Variants in GPM6A observed in about 807,000 individuals in gnomAD.
The protein encoded by GPM6A is glycoprotein M6A.
GPM6A carries 7 observed loss-of-function variants against 32.1 expected under a neutral mutation model. The observed-to-expected ratio is 0.22, with a 90% CI of 0.12 to 0.41. GPM6A has a LOEUF of 0.41. GPM6A is among the 10% of genes least tolerant of loss of function. The pLI is 1.00. For synonymous variants in GPM6A, 130 were observed against 123.4 expected (o/e 1.05, Z -0.35); for missense variants, 235 against 347.2 (o/e 0.68, Z 2.57).
At chr4:175,779,703 T>C (rs1733539173) in intron 1 of GPM6A, among the ~76,000 whole-genome samples, 1 of 152,158 alleles carries the variant, frequency 6.6e-6, no homozygotes, top group African/African-American at 2.4e-5. Context: ...TGAAGCACAA[T>C]AAAAATTAAC....
intron 1 of GPM6A, among the ~76,000 whole-genome samples, chr4:175,994,347 T>C (rs1424305479): frequency 6.6e-6 from 1 of 152,150 alleles, no homozygotes; most frequent in Admixed American, 6.6e-5. Context: ...GGACCAGGAT[T>C]AGAAAATAAA....
chr4:175,838,090 A>AACACACACACACACACAC (rs763166079), intron 1 of GPM6A, among the ~76,000 whole-genome samples: 4 of 114,828 alleles, frequency 3.5e-5, no homozygotes, highest in African/African-American at 1.3e-4. Context: ...CCTTGGTTAA[A>AACACACACACACACACAC]ACACACACAC....
chr4:175,722,307 C>A (rs1746180499), intron 1 of GPM6A, among the ~76,000 whole-genome samples: 1 of 151,848 alleles, frequency 6.6e-6, no homozygotes, highest in African/African-American at 2.4e-5. Flanking sequence ...CTCAAACAGA[C>A]CACCGAAGAG....
intron 1 of GPM6A, among the ~76,000 whole-genome samples, chr4:175,925,974 C>A (rs981181191): frequency 6.6e-6 from 1 of 151,730 alleles, no homozygotes; most frequent in Admixed American, 6.6e-5. Flanking sequence ...GCCCCAGCCT[C>A]CCAAGCAGCT....
At chr4:175,657,173 T>A (rs17061764) in intron 3 of GPM6A, among the ~76,000 whole-genome samples, 1 of 152,190 alleles carries the variant, frequency 6.6e-6, no homozygotes, top group East Asian at 1.9e-4. Context: ...AGTAGCAATC[T>A]AATCATGTTT....
At chr4:175,946,425 T>C (rs1739608810) in intron 1 of GPM6A, among the ~76,000 whole-genome samples, 1 of 152,234 alleles carries the variant, frequency 6.6e-6, no homozygotes, top group Admixed American at 6.5e-5. Flanking sequence ...CTCTGTGTCA[T>C]GTAGCTTCCA....
chr4:175,807,409 A>G (rs1734737502), intron 1 of GPM6A: 1 of 152,208 alleles, frequency 6.6e-6, no homozygotes, highest in African/African-American at 2.4e-5. Context: ...TCCTAAAAGG[A>G]TCTGAAGATT....
chr4:175,786,293 T>C lies in GPM6A; in HGVS notation c.37+25898A>G, dbSNP rs1033027772. Reference sequence around the variant, plus strand: ...TTGAAGGTCAGGAAAGGTTTTTTGTTTTGTTTTTTTTTTTTTGAAAAATGA... The same window carrying C: ...TTGAAGGTCAGGAAAGGTTTTTTGTCTTGTTTTTTTTTTTTTGAAAAATGA... On this transcript the variant is annotated intron_variant, in intron 1 of 6. Coordinates refer to ENST00000393658, the MANE Select transcript of GPM6A (RefSeq NM_201591.3). 3.6e-5 allele frequency among the ~76,000 whole-genome samples: 5 copies of C among 137,204 alleles called. No homozygotes were observed. In the South Asian group the frequency reaches 6.6e-4, roughly 18 times the overall value. 90.0% of individuals were successfully genotyped at this position (137,204 alleles called of 152,430 possible). A position where few individuals can be genotyped will look rare whatever the true frequency, so the allele number is the denominator to read the frequency against.
intron 1 of GPM6A, among the ~76,000 whole-genome samples, chr4:175,998,386 A>C (rs1741375275): frequency 6.6e-6 from 1 of 152,252 alleles, no homozygotes; most frequent in Non-Finnish European, 1.5e-5. Flanking sequence ...ACCTGGCTTC[A>C]ACTGATCCAC....
chr4:175,758,618 T>C (rs1732622448), intron 1 of GPM6A, among the ~76,000 whole-genome samples: 2 of 152,152 alleles, frequency 1.3e-5, no homozygotes, highest in South Asian at 4.1e-4. Context: ...TTTTTATAGA[T>C]GCTAAAAGGA....
chr4:175,699,066 G>A (rs1466048915), intron 2 of GPM6A, among the ~76,000 whole-genome samples: 1 of 152,158 alleles, frequency 6.6e-6, no homozygotes. Flanking sequence ...CAATTTGGAT[G>A]TAGTTTACAT....
chr4:175,646,322 A>T (rs1372863943), intron 4 of GPM6A, among the ~76,000 whole-genome samples: 1 of 152,266 alleles, frequency 6.6e-6, no homozygotes, highest in Non-Finnish European at 1.5e-5. Flanking sequence ...TAGATATACA[A>T]AAGAATTCCT....
chr4:175,823,328 G>T (rs749965135), intron 1 of GPM6A, among the ~76,000 whole-genome samples: 1 of 152,180 alleles, frequency 6.6e-6, no homozygotes, highest in Non-Finnish European at 1.5e-5. Context: ...TAACTTATCT[G>T]AAAAGTGGAT....
At chr4:175,842,604 A>C (rs548415381) in intron 1 of GPM6A, among the ~76,000 whole-genome samples, 6 of 152,122 alleles carry the variant, frequency 3.9e-5, no homozygotes, top group Non-Finnish European at 7.4e-5. Flanking sequence ...ACCTCCAGCC[A>C]CCCTGAAGGC....
chr4:175,742,367 T>A (rs1280619849), intron 1 of GPM6A, among the ~76,000 whole-genome samples: 2 of 152,120 alleles, frequency 1.3e-5, no homozygotes, highest in Non-Finnish European at 2.9e-5. Context: ...ATAAACTAAT[T>A]ACCCAGCAAC....
intron 2 of GPM6A, 140 bp from the exon 3 acceptor site, chr4:175,673,976 A>C: frequency 8.7e-6 from 5 of 577,198 alleles, no homozygotes; most frequent in Non-Finnish European, 1.4e-5. Flanking sequence ...ATTTAAAAAC[A>C]TGTTTGCTTC....
At chr4:175,777,907 A>G (rs1359536465) in intron 1 of GPM6A, among the ~76,000 whole-genome samples, 1 of 152,220 alleles carries the variant, frequency 6.6e-6, no homozygotes, top group Non-Finnish European at 1.5e-5. Flanking sequence ...ACATTTACAT[A>G]TCAAACCATA....
At chr4:175,730,701 T>C (rs7685492) in intron 1 of GPM6A, among the ~76,000 whole-genome samples, 3,406 of 152,248 alleles carry the variant, frequency 0.022, 137 homozygotes, top group African/African-American at 0.074. Context: ...CTCGATCTCC[T>C]GACCTCAAGT....
At chr4:175,777,601 G>A (rs1579489078) in intron 1 of GPM6A, among the ~76,000 whole-genome samples, 1 of 151,950 alleles carries the variant, frequency 6.6e-6, no homozygotes, top group East Asian at 1.9e-4. Flanking sequence ...TAAGATATGG[G>A]ATTAGCCTTT....
Sources: gnomAD v4.1 joint callset for allele counts (sites outside exome capture counted in the v4.1 genomes callset) on GRCh38, gnomAD v4.1.1 for gene constraint, MANE v1.5 for transcripts, NCBI Gene and HGNC (gene_info 2026-07-23, HGNC 2026-07-21) for gene names.